Variants in TENM3 observed in about 807,000 individuals in gnomAD.
TENM3 encodes teneurin-3.
In TENM3, 63 loss-of-function variants were observed where a neutral mutation model predicts 255.1. That is an observed-to-expected ratio of 0.25 (90% CI 0.20 to 0.30). The LOEUF (loss-of-function observed/expected upper bound fraction) is 0.30. Among genes scored for constraint, TENM3 ranks in the 10% least tolerant of loss-of-function variants. The pLI, the probability that TENM3 is intolerant of heterozygous loss-of-function variation, is 1.00. For missense variants in TENM3, 2,929 were observed against 3,461.1 expected (o/e 0.85, Z 3.86); for synonymous variants, 1,306 against 1,322.3 (o/e 0.99, Z 0.27).
At chr4:181,932,140 A>G in the TENM3 span, among the ~76,000 whole-genome samples, 170 of 152,322 alleles carry the variant, frequency 1.1e-3, no homozygotes, top group African/African-American at 3.9e-3. Flanking sequence ...ACCAAAAGCA[A>G]TGGCAACAAA....
intron 19 of TENM3, among the ~76,000 whole-genome samples, chr4:182,750,773 G>C (rs1010123996): frequency 3.3e-5 from 5 of 152,060 alleles, no homozygotes; most frequent in African/African-American, 1.2e-4. Context: ...ATATAACTAA[G>C]TTCGTCATCA....
chr4:181,955,698 G>A, the TENM3 span, among the ~76,000 whole-genome samples: 1 of 152,138 alleles, frequency 6.6e-6, no homozygotes, highest in Non-Finnish European at 1.5e-5. Flanking sequence ...GCATGAATTG[G>A]TTGACGATAG....
At chr4:182,507,148 G>GA (rs71605069) in intron 3 of TENM3, among the ~76,000 whole-genome samples, 56,536 of 150,644 alleles carry the variant, frequency 0.38, 10,787 homozygotes, top group Admixed American at 0.42. Flanking sequence ...TATCACTAAG[G>GA]AAAAAAAAAG....
intron 3 of TENM3, among the ~76,000 whole-genome samples, chr4:182,540,379 C>G (rs1740745353): frequency 6.6e-6 from 1 of 152,178 alleles, no homozygotes; most frequent in Non-Finnish European, 1.5e-5. Context: ...CACCTGAGGT[C>G]AGGAGTTTGA....
At chr4:182,490,487 GT>G (rs1191156833) in intron 3 of TENM3, among the ~76,000 whole-genome samples, 2 of 152,066 alleles carry the variant, frequency 1.3e-5, no homozygotes, top group African/African-American at 4.8e-5. Context: ...TCTGCTGGGC[GT>G]TGTGAGTCAG....
the TENM3 span, among the ~76,000 whole-genome samples, chr4:181,731,590 C>A: frequency 1.3e-5 from 2 of 152,092 alleles, no homozygotes; most frequent in African/African-American, 2.4e-5. Context: ...TGAGCTCAAG[C>A]GATCCACCTG....
chr4:181,453,735 C>G, the TENM3 span, among the ~76,000 whole-genome samples: 1,635 of 152,202 alleles, frequency 0.011, 31 homozygotes, highest in African/African-American at 0.037. Context: ...GAGGAAACAG[C>G]AAAGTCTTCA....
chr4:182,740,715 T>C (rs1274792788), intron 18 of TENM3, among the ~76,000 whole-genome samples: 1 of 152,238 alleles, frequency 6.6e-6, no homozygotes. Flanking sequence ...CACGATATTA[T>C]ATTCAGGAGG....
the TENM3 span, among the ~76,000 whole-genome samples, chr4:182,041,999 C>T: frequency 3.9e-5 from 6 of 152,264 alleles, no homozygotes; most frequent in East Asian, 1.2e-3. Flanking sequence ...AGTAAAGAAT[C>T]TCTGCATTTT....
At chr4:182,146,748 C>G (rs10004797) in intron 1 of TENM3, among the ~76,000 whole-genome samples, 3,892 of 152,156 alleles carry the variant, frequency 0.026, 182 homozygotes, top group African/African-American at 0.088. Context: ...TCTGTGAACC[C>G]CCTGTGCCAA....
chr4:182,100,620 TACAC>T, the TENM3 span, among the ~76,000 whole-genome samples: 1 of 45,722 alleles, frequency 2.2e-5, no homozygotes, highest in Non-Finnish European at 4.8e-5. Flanking sequence ...CACATATATA[TACAC>T]ACACATATAT....
At chr4:182,162,489 G>T (rs1462475633) in intron 1 of TENM3, among the ~76,000 whole-genome samples, 1 of 152,182 alleles carries the variant, frequency 6.6e-6, no homozygotes, top group Non-Finnish European at 1.5e-5. Flanking sequence ...GGAAGAGAGA[G>T]GAATGTATAG....
At chr4:181,728,908 A>C in the TENM3 span, among the ~76,000 whole-genome samples, 162 of 152,120 alleles carry the variant, frequency 1.1e-3, no homozygotes, top group African/African-American at 3.8e-3. Flanking sequence ...TTTTACATTT[A>C]AGATACATTA....
At chr4:181,792,629 CAAAT>C in the TENM3 span, among the ~76,000 whole-genome samples, 2 of 152,220 alleles carry the variant, frequency 1.3e-5, no homozygotes, top group African/African-American at 4.8e-5. Flanking sequence ...TCTGAAATCT[CAAAT>C]AGCCTCTTCC....
chr4:181,660,519 A>T, the TENM3 span, among the ~76,000 whole-genome samples: 2 of 152,156 alleles, frequency 1.3e-5, no homozygotes, highest in Admixed American at 1.3e-4. Flanking sequence ...AATTGGAAAA[A>T]CGGCAAATCC....
chr4:182,590,521 A>G (rs1289168609), intron 3 of TENM3, among the ~76,000 whole-genome samples: 3 of 139,856 alleles, frequency 2.1e-5, no homozygotes, highest in Admixed American at 7.5e-5. Context: ...GCCCAGCAAT[A>G]GAGCGAGACC....
chr4:182,386,615 G>A (rs894472050), intron 3 of TENM3, among the ~76,000 whole-genome samples: 1 of 150,832 alleles, frequency 6.6e-6, no homozygotes, highest in Non-Finnish European at 1.5e-5. Context: ...GCCAGCTGTA[G>A]TTCCGGGTGG....
the TENM3 span, among the ~76,000 whole-genome samples, chr4:182,047,623 T>A: frequency 2.7e-5 from 4 of 148,140 alleles, no homozygotes; most frequent in African/African-American, 1.0e-4. Flanking sequence ...AATAATATAG[T>A]AGGCAGCATC....
intron 3 of TENM3, chr4:182,350,265 C>A (rs1183037412): frequency 6.6e-6 from 1 of 152,358 alleles, no homozygotes; most frequent in African/African-American, 2.4e-5. Flanking sequence ...CCGTGTCACA[C>A]AGCTCTCTGT....
Sources: allele counts gnomAD v4.1 joint callset (sites outside exome capture counted in the v4.1 genomes callset), GRCh38; gene constraint gnomAD v4.1.1; transcripts MANE v1.5; gene names NCBI Gene and HGNC (gene_info 2026-07-23, HGNC 2026-07-21).